DENND1A: variants seen among roughly 807,000 people sequenced by gnomAD.
DENND1A encodes the protein DENN domain containing 1A.
Under a neutral mutation model 113.7 loss-of-function variants are expected in DENND1A, and 51 were observed. The ratio of observed to expected loss-of-function variants is 0.45; its 90% CI spans 0.36 to 0.57. The LOEUF (loss-of-function observed/expected upper bound fraction) is 0.57, where lower values mean the gene tolerates loss of function less well. Ranked by LOEUF, DENND1A falls within the 20% of genes least tolerant of loss-of-function variation. The pLI is 0.00. For missense variants in DENND1A, 1,258 were observed against 1,395.9 expected (o/e 0.90, Z 1.57); for synonymous variants, 565 against 570.8 (o/e 0.99, Z 0.14).
At chr9:123,690,030 A>G (rs1295336098) in intron 5 of DENND1A, among the ~76,000 whole-genome samples, 2 of 139,536 alleles carry the variant, frequency 1.4e-5, no homozygotes, top group Non-Finnish European at 3.1e-5. Context: ...GGAGGGAGGG[A>G]AGAAAAGGAG....
chr9:123,807,928 T>C (rs555947782), intron 2 of DENND1A, among the ~76,000 whole-genome samples: 2 of 152,268 alleles, frequency 1.3e-5, no homozygotes, highest in East Asian at 3.9e-4. Flanking sequence ...GATTTAACTT[T>C]AAAACCTATA....
chr9:123,841,325 A>G (rs956491451), intron 2 of DENND1A, among the ~76,000 whole-genome samples: 2 of 152,242 alleles, frequency 1.3e-5, no homozygotes, highest in Non-Finnish European at 1.5e-5. Context: ...TATAAATTCA[A>G]TAAACTAATC....
At chr9:123,927,621 G>A (rs1857336591) in intron 1 of DENND1A, among the ~76,000 whole-genome samples, 1 of 152,204 alleles carries the variant, frequency 6.6e-6, no homozygotes. Context: ...TCTGTGTAAA[G>A]TTTCATAATT....
chr9:123,472,502 C>T (rs2049510841), intron 13 of DENND1A, among the ~76,000 whole-genome samples: 1 of 152,116 alleles, frequency 6.6e-6, no homozygotes, highest in Non-Finnish European at 1.5e-5. Context: ...GGGTGCCAGA[C>T]CCTCAAAATA....
At chr9:123,386,915 G>A (rs946884292) in intron 22 of DENND1A, among the ~76,000 whole-genome samples, 1 of 152,226 alleles carries the variant, frequency 6.6e-6, no homozygotes, top group Non-Finnish European at 1.5e-5. Context: ...ATGAGGGAGA[G>A]GGAGGGAAAG....
At chr9:123,516,466 G>A (rs771818139) in intron 13 of DENND1A, among the ~76,000 whole-genome samples, 7 of 152,102 alleles carry the variant, frequency 4.6e-5, no homozygotes, top group Non-Finnish European at 8.8e-5. Context: ...ACAGTTCAAT[G>A]TCACTAGTAA....
intron 7 of DENND1A, among the ~76,000 whole-genome samples, chr9:123,669,596 T>C (rs1200427808): frequency 6.6e-6 from 1 of 152,200 alleles, no homozygotes; most frequent in Admixed American, 6.5e-5. Context: ...CCTTCCTCCC[T>C]AGCAGCTGGT....
At chr9:123,926,830 G>A (rs1258631677) in intron 1 of DENND1A, among the ~76,000 whole-genome samples, 2 of 152,096 alleles carry the variant, frequency 1.3e-5, no homozygotes, top group Non-Finnish European at 2.9e-5. Context: ...AAATAAGACA[G>A]TCCTTCCTCT....
intron 23 of DENND1A, 119 bp from the exon 24 acceptor site, chr9:123,382,744 G>T: frequency 9.0e-7 from 1 of 1,110,170 alleles, no homozygotes; most frequent in Non-Finnish European, 1.3e-6. Flanking sequence ...TGGCTGATCA[G>T]CTCCTCGGAC....
intron 11 of DENND1A, among the ~76,000 whole-genome samples, chr9:123,606,394 A>G (rs562951743): frequency 3.3e-5 from 5 of 152,304 alleles, no homozygotes; most frequent in Admixed American, 2.6e-4. Context: ...GCTAAGATCT[A>G]TCTGGGCCAG....
At chr9:123,903,990 G>C (rs948851388) in intron 1 of DENND1A, among the ~76,000 whole-genome samples, 5 of 152,114 alleles carry the variant, frequency 3.3e-5, no homozygotes, top group Non-Finnish European at 4.4e-5. Context: ...GCTTTGAAGA[G>C]AGCAGTGGTT....
intron 11 of DENND1A, among the ~76,000 whole-genome samples, chr9:123,599,326 T>C (rs77929287): frequency 0.058 from 8,812 of 152,270 alleles, 283 homozygotes; most frequent in African/African-American, 0.074. Context: ...CTCTGGATGT[T>C]TAACTTTAGT....
intron 13 of DENND1A, among the ~76,000 whole-genome samples, chr9:123,479,564 G>A (rs886361904): frequency 2.6e-5 from 4 of 152,214 alleles, no homozygotes; most frequent in Non-Finnish European, 5.9e-5. Flanking sequence ...TGAAGTGACA[G>A]GTTGTTTGCC....
intron 13 of DENND1A, among the ~76,000 whole-genome samples, chr9:123,500,884 AAAAT>A (rs1250849996): frequency 6.6e-6 from 1 of 152,246 alleles, no homozygotes; most frequent in Non-Finnish European, 1.5e-5. Context: ...TGCTGCATCA[AAAAT>A]AATGTCTACT....
chr9:123,699,688 C>CCT (rs748317159), intron 5 of DENND1A, among the ~76,000 whole-genome samples: 4 of 112,412 alleles, frequency 3.6e-5, no homozygotes, highest in African/African-American at 1.5e-4. Context: ...TTCTTTCTTT[C>CCT]TTTTTTTTTT....
At chr9:123,427,408 A>G (rs1474800411) in intron 19 of DENND1A, among the ~76,000 whole-genome samples, 1 of 152,204 alleles carries the variant, frequency 6.6e-6, no homozygotes, top group Non-Finnish European at 1.5e-5. Context: ...ACTTTGTCAC[A>G]CTTGAGTCTC....
At chr9:123,788,842 C>A (rs1052472581) in intron 3 of DENND1A, among the ~76,000 whole-genome samples, 1 of 151,926 alleles carries the variant, frequency 6.6e-6, no homozygotes, top group Admixed American at 6.6e-5. Flanking sequence ...TAATCTTAAC[C>A]CTAAAAAGAC....
intron 1 of DENND1A, among the ~76,000 whole-genome samples, chr9:123,890,466 T>C (rs1319421978): frequency 1.3e-5 from 2 of 152,252 alleles, no homozygotes; most frequent in African/African-American, 4.8e-5. Flanking sequence ...TGTTCTTTCT[T>C]ATTTAACCCT....
At chr9:123,836,627 ATTT>A (rs1207098341) in intron 2 of DENND1A, among the ~76,000 whole-genome samples, 1 of 152,150 alleles carries the variant, frequency 6.6e-6, no homozygotes, top group African/African-American at 2.4e-5. Context: ...ATATTAGAGA[ATTT>A]TTAAGTGACT....
Sources: allele counts gnomAD v4.1 joint callset (sites outside exome capture counted in the v4.1 genomes callset), GRCh38; gene constraint gnomAD v4.1.1; transcripts MANE v1.5; gene names NCBI Gene and HGNC (gene_info 2026-07-23, HGNC 2026-07-21).